The following ATR variants were observed in gnomAD, a reference collection of about 807,000 sequenced individuals.
The protein encoded by ATR is ATR checkpoint kinase.
In ATR, 142 loss-of-function variants were observed where a neutral mutation model predicts 305.3. The observed-to-expected ratio is 0.47, with a 90% CI of 0.41 to 0.53. The LOEUF (loss-of-function observed/expected upper bound fraction) is 0.53, where lower values mean the gene tolerates loss of function less well. Ranked by LOEUF, ATR falls within the 20% of genes least tolerant of loss-of-function variation. The pLI is 0.00. For synonymous variants in ATR, 1,050 were observed against 1,068.1 expected (o/e 0.98, Z 0.33); for missense variants, 2,135 against 3,133.1 (o/e 0.68, Z 7.60).
chr3:142,530,054 G>A (rs1033028275), intron 21 of ATR, among the ~76,000 whole-genome samples: 3 of 151,984 alleles, frequency 2.0e-5, no homozygotes, highest in African/African-American at 4.8e-5. Flanking sequence ...ATTTGCAGGT[G>A]AAATCTTTGC....
At chr3:142,527,627 T>A (rs2033450260) in intron 21 of ATR, among the ~76,000 whole-genome samples, 1 of 152,182 alleles carries the variant, frequency 6.6e-6, no homozygotes, top group South Asian at 2.1e-4. Flanking sequence ...TTTTACTGCT[T>A]TCTGTTCTCT....
intron 36 of ATR, among the ~76,000 whole-genome samples, chr3:142,482,771 G>A (rs747601463): frequency 6.6e-6 from 1 of 151,468 alleles, no homozygotes; most frequent in Non-Finnish European, 1.5e-5. Context: ...AGAGTTCAAG[G>A]TCATAGTTAG....
At chr3:142,578,535 CG>C in intron 1 of ATR, 110 bp downstream of exon 1, 2 of 1,269,412 alleles carry the variant, frequency 1.6e-6, no homozygotes, top group Non-Finnish European at 2.2e-6. Context: ...AGGGCCGCAG[CG>C]GGGGCTTAGG....
chr3:142,470,389 T>C (rs2071233377), intron 36 of ATR, among the ~76,000 whole-genome samples: 1 of 152,170 alleles, frequency 6.6e-6, no homozygotes, highest in Non-Finnish European at 1.5e-5. Context: ...ATGTACATAC[T>C]GTATGTTTCC....
At chr3:142,577,245 A>G (rs973693884) in intron 1 of ATR, among the ~76,000 whole-genome samples, 1 of 152,222 alleles carries the variant, frequency 6.6e-6, no homozygotes, top group Non-Finnish European at 1.5e-5. Flanking sequence ...CTACTGATGA[A>G]ACCGACTATA....
rs1336705244 is a variant in ATR at position 142,558,571 on chromosome 3, T to C, written c.1885+53A>G. The C allele has an allele frequency of 2.1e-6, 3 of 1,428,970 alleles. No homozygotes were observed. The Admixed American group carries it at 5.3e-5, about 25-fold the overall frequency. 88.5% of individuals were successfully genotyped at this position (1,428,970 alleles called of 1,614,324 possible). A position where few individuals can be genotyped will look rare whatever the true frequency, so the allele number is the denominator to read the frequency against. On this transcript the variant is annotated intron_variant, in intron 8 of 46. Coordinates refer to ENST00000350721, the MANE Select transcript of ATR (RefSeq NM_001184.4). ...ATAAATAAATAAATAGATAGATAGA[T>C]AGATAGATAGATAAATAAAACAAAC...
chr3:142,468,166 G>T (rs2071175142), intron 38 of ATR, 98 bp from the exon 39 acceptor site: 8 of 1,408,156 alleles, frequency 5.7e-6, no homozygotes, highest in Non-Finnish European at 7.8e-6. Context: ...AAGTATTCAT[G>T]ATGAGAGTTT....
chr3:142,524,754 G>T (rs187580561), intron 21 of ATR, among the ~76,000 whole-genome samples: 2 of 152,208 alleles, frequency 1.3e-5, no homozygotes, highest in Non-Finnish European at 2.9e-5. Flanking sequence ...GGAAAAGAGG[G>T]AGGAAGAAAG....
Position 142,475,052 on chromosome 3 carries a change from A to C in ATR, c.6222-4869T>G, listed in dbSNP as rs1235780549. ...GGTTAGACTAGATTAATGGATGTTC[A>C]TTCTATTATTATGCTTTACAACTTA... On this transcript the variant is annotated intron_variant, in intron 36 of 46. Transcript: ENST00000350721. Among the ~76,000 whole-genome samples, 6 of 152,094 alleles carry C rather than the reference A, an allele frequency of 3.9e-5. No individual in the cohort carries two copies. The East Asian group carries it at 1.2e-3, about 29-fold the overall frequency.
chr3:142,578,378 C>T (rs553032323), intron 1 of ATR, among the ~76,000 whole-genome samples: 4 of 152,208 alleles, frequency 2.6e-5, no homozygotes, highest in African/African-American at 9.6e-5. Context: ...AGCAAACTCT[C>T]GATCGGGGTG....
At chr3:142,500,585 AATCAAT>A (rs1483479979) in intron 30 of ATR, among the ~76,000 whole-genome samples, 2 of 152,214 alleles carry the variant, frequency 1.3e-5, no homozygotes, top group Non-Finnish European at 2.9e-5. Flanking sequence ...GAGAGGCTGG[AATCAAT>A]ATCCTCAAAA....
chr3:142,553,250 G>T lies in ATR; in HGVS notation c.2782C>A (p.Gln928Lys), dbSNP rs2034542191. 6.2e-7 allele frequency: 1 copy of T among 1,613,930 alleles called. No homozygotes were observed. The highest frequency in any genetic ancestry group is 1.7e-5 in the Admixed American group (1 of 59,982). ...ACCTGACAGATGGGTTTCTTATACT[G>T]GCTGAAAAAACTTTGCAGTTTAACA... ...KSVKLQSFFS[Q>K]YKKPICQFLV... The change falls in exon 13 of 47, where the codon CAG becomes AAG. Residue 928 changes from glutamine (Q) to lysine (K), a missense_variant. Transcript: ENST00000350721.
At chr3:142,450,307 G>T in intron 46 of ATR, 2 of 958,360 alleles carry the variant, frequency 2.1e-6, no homozygotes, top group Non-Finnish European at 1.6e-6. Context: ...TTATTTCTTT[G>T]GTGAAGCACT....
chr3:142,469,676 G>C (rs1208490066), intron 37 of ATR, 107 bp from the exon 38 acceptor site: 1 of 932,994 alleles, frequency 1.1e-6, no homozygotes, highest in African/African-American at 1.7e-5. Flanking sequence ...TTTAAAGTAT[G>C]TTATTCCCAT....
At position 142,550,449 on chromosome 3, in the gene ATR, G is replaced by C. The variant is rs2034434368; in HGVS notation, c.2806-147C>G. 6.0e-6 allele frequency: 5 copies of C among 828,456 alleles called. No homozygotes were observed. In the East Asian group the frequency reaches 1.1e-4, roughly 17 times the overall value. 51.3% of individuals were successfully genotyped at this position (828,456 alleles called of 1,614,324 possible). A position where few individuals can be genotyped will look rare whatever the true frequency, so the allele number is the denominator to read the frequency against. ...CAATTTTTATAACAACCTTAATGAG[G>C]TAGACTATGTCATAATCTGCCTTTC... On this transcript the variant is annotated intron_variant, in intron 13 of 46. Transcript: ENST00000350721.
chr3:142,467,805 T>C, intron 39 of ATR, 129 bp downstream of exon 39: 1 of 1,051,746 alleles, frequency 9.5e-7, no homozygotes, highest in South Asian at 1.9e-5. Flanking sequence ...ATAATTAAAA[T>C]ATACATTTTG....
At chr3:142,556,263 A>G (rs1161290063) in intron 9 of ATR, 120 bp downstream of exon 9, 4 of 1,491,526 alleles carry the variant, frequency 2.7e-6, no homozygotes, top group South Asian at 2.5e-5. Context: ...GTTAAATTCT[A>G]AAACTAAAAG....
At chr3:142,536,996 A>G (rs2033884325) in intron 19 of ATR, among the ~76,000 whole-genome samples, 1 of 152,180 alleles carries the variant, frequency 6.6e-6, no homozygotes. Flanking sequence ...GCATTTCTAA[A>G]TCCTAGTCTT....
chr3:142,558,581 G>GATAA (rs764936051), intron 8 of ATR, 43 bp downstream of exon 8: 6 of 1,507,390 alleles, frequency 4.0e-6, no homozygotes, highest in African/African-American at 1.4e-5. Flanking sequence ...TAGATAGATA[G>GATAA]ATAAATAAAA....
Sources: gnomAD v4.1 joint callset for allele counts (sites outside exome capture counted in the v4.1 genomes callset) on GRCh38, gnomAD v4.1.1 for gene constraint, MANE v1.5 for transcripts, NCBI Gene and HGNC (gene_info 2026-07-23, HGNC 2026-07-21) for gene names.